Variants in KYNU observed in about 807,000 individuals in gnomAD.
KYNU encodes the protein L-kynurenine hydrolase.
KYNU carries 54 observed loss-of-function variants against 59.2 expected under a neutral mutation model. The observed-to-expected ratio is 0.91, with a 90% CI of 0.73 to 1.14. The LOEUF is 1.14. KYNU is among the 50% of genes most tolerant of loss of function. The pLI, the probability that KYNU is intolerant of heterozygous loss-of-function variation, is 0.00. For synonymous variants in KYNU, 177 were observed against 192.0 expected, an observed-to-expected ratio of 0.92 and a Z score of 0.65; for missense variants, 567 against 554.4, an observed-to-expected ratio of 1.02 and a Z score of -0.23.
At chr2:142,991,376 T>A (rs1685393657) in intron 10 of KYNU, among the ~76,000 whole-genome samples, 1 of 151,962 alleles carries the variant, frequency 6.6e-6, no homozygotes, top group African/African-American at 2.4e-5. Context: ...AGTAGCAAGA[T>A]GTGTGACTTC....
intron 4 of KYNU, chr2:142,947,206 A>G: frequency 3.2e-6 from 5 of 1,550,732 alleles, no homozygotes; most frequent in Non-Finnish European, 4.4e-6. Flanking sequence ...GAGGTTCCCA[A>G]GAAAACTTCA....
intron 11 of KYNU, among the ~76,000 whole-genome samples, chr2:143,030,679 G>A (rs1686713757): frequency 6.6e-6 from 1 of 151,740 alleles, no homozygotes; most frequent in African/African-American, 2.4e-5. Context: ...TTATTTAGTG[G>A]AGATGAGGTC....
intron 4 of KYNU, among the ~76,000 whole-genome samples, chr2:142,946,546 A>AT (rs1398313054): frequency 2.6e-5 from 4 of 152,118 alleles, no homozygotes; most frequent in African/African-American, 7.2e-5. Flanking sequence ...TTTTGAAAAT[A>AT]TTTCTTTTTC....
chr2:142,963,451 T>G (rs1684419790), intron 8 of KYNU, among the ~76,000 whole-genome samples: 1 of 152,182 alleles, frequency 6.6e-6, no homozygotes, highest in African/African-American at 2.4e-5. Flanking sequence ...GGTGTCTGCT[T>G]AGGGCTGCTG....
At chr2:143,030,362 T>G (rs2104913746) in intron 11 of KYNU, among the ~76,000 whole-genome samples, 1 of 152,322 alleles carries the variant, frequency 6.6e-6, no homozygotes, top group African/African-American at 2.4e-5. Flanking sequence ...CATTTCTCAA[T>G]CACATGGGAT....
chr2:143,025,234 G>A (rs1303244038), intron 10 of KYNU, among the ~76,000 whole-genome samples: 3 of 151,844 alleles, frequency 2.0e-5, no homozygotes, highest in Non-Finnish European at 1.5e-5. Context: ...TCCACTTTCA[G>A]GCAATCTTTT....
At chr2:142,954,956 G>T in intron 5 of KYNU, 85 bp downstream of exon 5, 1 of 854,650 alleles carries the variant, frequency 1.2e-6, no homozygotes, top group South Asian at 1.5e-5. Context: ...GAGCTTCTGG[G>T]GGTTTACTTA....
At chr2:143,014,136 A>T (rs984324510) in intron 10 of KYNU, among the ~76,000 whole-genome samples, 1 of 152,236 alleles carries the variant, frequency 6.6e-6, no homozygotes, top group Admixed American at 6.5e-5. Context: ...TATGGCACCA[A>T]TTTGGGGCAT....
At chr2:143,012,864 T>A (rs937668406) in intron 10 of KYNU, among the ~76,000 whole-genome samples, 5 of 152,238 alleles carry the variant, frequency 3.3e-5, no homozygotes, top group Non-Finnish European at 5.9e-5. Flanking sequence ...TTTTCTTCCC[T>A]CACACCTGTC....
chr2:142,905,176 C>T (rs1290033875), intron 2 of KYNU, among the ~76,000 whole-genome samples: 2 of 152,192 alleles, frequency 1.3e-5, no homozygotes, highest in South Asian at 2.1e-4. Flanking sequence ...CTTTTTGTTG[C>T]CCCAGATTAA....
intron 4 of KYNU, among the ~76,000 whole-genome samples, chr2:142,948,997 T>C (rs1420849767): frequency 6.6e-6 from 1 of 152,204 alleles, no homozygotes; most frequent in African/African-American, 2.4e-5. Flanking sequence ...CTGTTCAAAA[T>C]GGGAGAAATT....
chr2:142,955,669 T>C (rs2105085982), intron 5 of KYNU, among the ~76,000 whole-genome samples: 1 of 152,174 alleles, frequency 6.6e-6, no homozygotes, highest in Non-Finnish European at 1.5e-5. Context: ...TTTAGTACCC[T>C]GGCCAGTGAT....
chr2:142,938,714 A>G (rs183383242), intron 4 of KYNU, among the ~76,000 whole-genome samples: 13 of 152,354 alleles, frequency 8.5e-5, no homozygotes, highest in African/African-American at 2.9e-4. Flanking sequence ...ACTTTTCATG[A>G]AAATCTATTT....
At chr2:142,906,557 A>G (rs1682303999) in intron 2 of KYNU, among the ~76,000 whole-genome samples, 1 of 152,152 alleles carries the variant, frequency 6.6e-6, no homozygotes. Context: ...ATGCCTAAGG[A>G]TGCAGCATAG....
At position 143,042,579 on chromosome 2, in the gene KYNU, G is replaced by T. The variant is rs962699124; in HGVS notation, c.*407G>T. 4.4e-5 allele frequency: 7 copies of T among 160,516 alleles called. No homozygotes were observed. The highest frequency in any genetic ancestry group is 2.1e-4 in the African/African-American group (7 of 33,724). The allele number at this position is 160,516 out of a possible 1,614,324, so 9.9% of individuals were successfully genotyped here. A position where few individuals can be genotyped will look rare whatever the true frequency, so the allele number is the denominator to read the frequency against. On this transcript the variant is annotated 3_prime_UTR_variant, in exon 14 of 14. Transcript: ENST00000264170. ...CAAGGAGTTTCTTTGAAGCATTGTA[G>T]TCTGATATATATATATATATATATA...
At chr2:142,997,671 A>G (rs1186336599) in intron 10 of KYNU, among the ~76,000 whole-genome samples, 2 of 152,140 alleles carry the variant, frequency 1.3e-5, no homozygotes, top group Non-Finnish European at 2.9e-5. Context: ...ATTGTGAACT[A>G]TTTTTATTAT....
chr2:143,024,201 A>T (rs1363119987), intron 10 of KYNU, among the ~76,000 whole-genome samples: 2 of 151,934 alleles, frequency 1.3e-5, no homozygotes, highest in South Asian at 4.1e-4. Context: ...GTTTTACCTG[A>T]TCTATCATGT....
intron 10 of KYNU, among the ~76,000 whole-genome samples, chr2:143,026,409 AG>A (rs1686559979): frequency 1.3e-5 from 2 of 152,230 alleles, no homozygotes; most frequent in South Asian, 4.1e-4. Context: ...AATTCCTGAC[AG>A]GGGTGCCTCA....
chr2:142,982,788 A>T (rs1685085919), intron 8 of KYNU, among the ~76,000 whole-genome samples: 1 of 152,100 alleles, frequency 6.6e-6, no homozygotes, highest in Non-Finnish European at 1.5e-5. Flanking sequence ...GTATCAAAGT[A>T]TGCATATTTT....
Sources: allele counts gnomAD v4.1 joint callset (sites outside exome capture counted in the v4.1 genomes callset), GRCh38; gene constraint gnomAD v4.1.1; transcripts MANE v1.5; gene names NCBI Gene and HGNC (gene_info 2026-07-23, HGNC 2026-07-21).